Variants in LPCAT3 observed in about 807,000 individuals in gnomAD.
LPCAT3 encodes the protein lysophospholipid acyltransferase 5.
In LPCAT3, 21 loss-of-function variants were observed where a neutral mutation model predicts 63.4. The observed-to-expected ratio is 0.33, with a 90% CI of 0.23 to 0.48. The LOEUF (loss-of-function observed/expected upper bound fraction) is 0.48. Ranked by LOEUF, LPCAT3 falls within the 20% of genes least tolerant of loss-of-function variation. The pLI is 0.99. For missense variants in LPCAT3, 451 were observed against 590.6 expected (o/e 0.76, Z 2.45); for synonymous variants, 242 against 227.5 (o/e 1.06, Z -0.58).
chr12:6,985,563 A>C (rs1946515354), intron 1 of LPCAT3, among the ~76,000 whole-genome samples: 1 of 148,698 alleles, frequency 6.7e-6, no homozygotes, highest in Admixed American at 6.8e-5. Flanking sequence ...AAAATATAAA[A>C]AATTAGCTGG....
At chr12:6,984,627 C>A (rs1254127714) in intron 1 of LPCAT3, among the ~76,000 whole-genome samples, 1 of 152,218 alleles carries the variant, frequency 6.6e-6, no homozygotes, top group Non-Finnish European at 1.5e-5. Context: ...TGCTCTGTCA[C>A]CCAGGCTGGA....
chr12:6,977,578 C>T lies in LPCAT3; in HGVS notation c.1188+20G>A, dbSNP rs782239619. ...ATCTTGTCCCTTATATTCCCCTTCA[C>T]CCCCACCCTGGAGGCCTACCTGTCT... On this transcript the variant is annotated intron_variant, in intron 10 of 12. Transcript: ENST00000261407. The surrounding 1 kb of genome is among the most constrained non-coding windows in gnomAD (Gnocchi z 4.5). 6.2e-7 allele frequency: 1 copy of T among 1,614,162 alleles called. No homozygotes were observed. Among genetic ancestry groups the T allele is most frequent in the South Asian group, 1.1e-5 (1 of 91,078 alleles).
chr12:6,978,806 C>T, intron 7 of LPCAT3, 117 bp from the exon 8 acceptor site: 1 of 1,449,142 alleles, frequency 6.9e-7, no homozygotes, highest in Non-Finnish European at 9.3e-7. Flanking sequence ...GTCCTGCTGC[C>T]AGATGCCCTC....
intron 7 of LPCAT3, 127 bp from the exon 8 acceptor site, chr12:6,978,816 C>T (rs952293183): frequency 2.2e-6 from 3 of 1,380,668 alleles, no homozygotes; most frequent in African/African-American, 1.4e-5. Context: ...CAGATGCCCT[C>T]AATAGTCTGG....
chr12:7,017,491 C>G lies in LPCAT3; in HGVS notation c.151+783G>C, dbSNP rs1474498022. Among the ~76,000 whole-genome samples, 1 of 152,208 alleles carries G rather than the reference C, an allele frequency of 6.6e-6. No homozygotes were observed. Among genetic ancestry groups the G allele is most frequent in the Admixed American group, 6.5e-5 (1 of 15,270 alleles). On this transcript the variant is annotated intron_variant, in intron 1 of 12. Transcript: ENST00000261407. This position sits in a 1 kb window ranked among gnomAD's most constrained non-coding sequence, Gnocchi z 4.1. ...CCATACTTTTTTCCATTGTACTATGCTACCTCCATGTATTAAACCATGGAG... is the reference window on the plus strand; with the variant it reads ...CCATACTTTTTTCCATTGTACTATGGTACCTCCATGTATTAAACCATGGAG...
chr12:6,982,953 T>G, intron 2 of LPCAT3, 171 bp from the exon 3 acceptor site: 1 of 671,270 alleles, frequency 1.5e-6, no homozygotes. Flanking sequence ...ATAAAAAAGA[T>G]TATTAGGGTG....
At chr12:7,003,513 G>A (rs1364680697) in intron 1 of LPCAT3, among the ~76,000 whole-genome samples, 2 of 152,150 alleles carry the variant, frequency 1.3e-5, no homozygotes, top group African/African-American at 4.8e-5. Context: ...TGTTGTCCAG[G>A]TTGGGTTTTC....
rs1399192349 is a variant in LPCAT3 at position 7,018,146 on chromosome 12, A to T, written c.151+128T>A. The T allele has an allele frequency of 1.5e-5, 16 of 1,056,482 alleles. No homozygotes were observed. Among genetic ancestry groups the T allele is most frequent in the Non-Finnish European group, 2.1e-5 (15 of 718,198 alleles). 65.4% of individuals were successfully genotyped at this position (1,056,482 alleles called of 1,614,324 possible). ...CCCTCAGTAGCTGTTGGTGTGCTTC[A>T]GGATTCACACCCGCACCCGGCACAG... On this transcript the variant is annotated intron_variant, in intron 1 of 12. Transcript: ENST00000261407. This position sits in a 1 kb window ranked among gnomAD's most constrained non-coding sequence, Gnocchi z 4.9.
intron 1 of LPCAT3, among the ~76,000 whole-genome samples, chr12:7,014,801 G>A (rs1946786811): frequency 6.7e-6 from 1 of 150,346 alleles, no homozygotes; most frequent in Admixed American, 6.7e-5. Context: ...GGCTGAGGAG[G>A]AGAACTGCTT....
rs1412390806 is a variant in LPCAT3 at position 7,017,085 on chromosome 12, T to G, written c.151+1189A>C. Among the ~76,000 whole-genome samples, 1 of 152,216 alleles carries G rather than the reference T, an allele frequency of 6.6e-6. No homozygotes were observed. Among genetic ancestry groups the G allele is most frequent in the Non-Finnish European group, 1.5e-5 (1 of 68,046 alleles). ...ATACTGGATAAACGCCAAACTTCTC[T>G]CTGGCATTTAAGGCTTTCCACACCT... is the stretch of plus-strand genomic sequence containing the variant. On this transcript the variant is annotated intron_variant, in intron 1 of 12. Transcript: ENST00000261407. The surrounding 1 kb of genome is among the most constrained non-coding windows in gnomAD (Gnocchi z 4.1).
chr12:6,982,871 T>C (rs1946485106), intron 2 of LPCAT3, 89 bp from the exon 3 acceptor site: 1 of 807,782 alleles, frequency 1.2e-6, no homozygotes, highest in South Asian at 1.6e-5. Flanking sequence ...AAAGAAAAAA[T>C]GTTGGCATCA....
At chr12:6,990,122 G>A (rs1428819195) in intron 1 of LPCAT3, among the ~76,000 whole-genome samples, 5 of 151,494 alleles carry the variant, frequency 3.3e-5, no homozygotes, top group Middle Eastern at 3.2e-3. Flanking sequence ...AAGCTACAAT[G>A]AGCTACGATG....
intron 1 of LPCAT3, among the ~76,000 whole-genome samples, chr12:6,992,395 G>GT (rs2138344332): frequency 6.6e-6 from 1 of 152,172 alleles, no homozygotes; most frequent in African/African-American, 2.4e-5. Flanking sequence ...TGTTTTGATT[G>GT]TGAGTGCATG....
chr12:6,978,268 C>A, intron 9 of LPCAT3, 73 bp downstream of exon 9: 1 of 1,517,894 alleles, frequency 6.6e-7, no homozygotes, highest in South Asian at 1.3e-5. Flanking sequence ...TGACATGGTA[C>A]ACCCCTGCCC....
At chr12:6,994,720 GT>G (rs1286472127) in intron 1 of LPCAT3, among the ~76,000 whole-genome samples, 2 of 152,240 alleles carry the variant, frequency 1.3e-5, no homozygotes, top group Non-Finnish European at 1.5e-5. Flanking sequence ...CTCCCAAAGT[GT>G]TGGGATTACA....
At chr12:6,991,972 A>G (rs1946593861) in intron 1 of LPCAT3, among the ~76,000 whole-genome samples, 1 of 152,088 alleles carries the variant, frequency 6.6e-6, no homozygotes, top group Non-Finnish European at 1.5e-5. Flanking sequence ...CGGGTAGATC[A>G]CTTTAGGTCA....
intron 1 of LPCAT3, among the ~76,000 whole-genome samples, chr12:6,985,519 T>C (rs978700255): frequency 1.3e-5 from 2 of 150,872 alleles, no homozygotes; most frequent in Non-Finnish European, 2.9e-5. Context: ...TTTGAGACCA[T>C]ACTGGCCAAC....
intron 1 of LPCAT3, chr12:6,997,239 GC>G (rs1946644020): frequency 6.6e-6 from 1 of 151,956 alleles, no homozygotes; most frequent in Non-Finnish European, 1.5e-5. Context: ...TCACTCTGTT[GC>G]CCAGGCTGGA....
At chr12:6,994,755 A>G (rs1330372909) in intron 1 of LPCAT3, among the ~76,000 whole-genome samples, 5 of 152,168 alleles carry the variant, frequency 3.3e-5, no homozygotes, top group Non-Finnish European at 7.3e-5. Flanking sequence ...GTGCTTGGCC[A>G]ATGTTCACTC....
Sources: gnomAD v4.1 joint callset for allele counts (sites outside exome capture counted in the v4.1 genomes callset) on GRCh38, gnomAD v4.1.1 for gene constraint, Gnocchi (gnomAD v3.1) non-coding constraint, MANE v1.5 for transcripts, NCBI Gene and HGNC (gene_info 2026-07-23, HGNC 2026-07-21) for gene names.